The following EHF variants were observed in gnomAD, a reference collection of about 807,000 sequenced individuals.
The protein encoded by EHF is ESE3 transcription factor.
A neutral mutation model predicts 45.1 loss-of-function variants in EHF; 14 were observed. The observed-to-expected ratio is 0.31, with a 90% CI of 0.21 to 0.49. EHF has a LOEUF of 0.49. Among genes scored for constraint, EHF ranks in the 20% least tolerant of loss-of-function variants. The pLI, the probability that EHF is intolerant of heterozygous loss-of-function variation, is 0.99. For missense variants in EHF, 282 were observed against 371.4 expected (o/e 0.76, Z 1.98); for synonymous variants, 136 against 131.8 (o/e 1.03, Z -0.22).
At chr11:34,655,366 G>A (rs1448645794) in intron 6 of EHF, among the ~76,000 whole-genome samples, 3 of 152,196 alleles carry the variant, frequency 2.0e-5, no homozygotes, top group African/African-American at 7.2e-5. Flanking sequence ...TTGTCAGATT[G>A]AAATTATCTT....
intron 4 of EHF, among the ~76,000 whole-genome samples, chr11:34,651,134 C>T (rs868324590): frequency 7.1e-6 from 1 of 141,608 alleles, no homozygotes; most frequent in African/African-American, 2.6e-5. Flanking sequence ...ATTTATTATA[C>T]ATTTAAATAA....
chr11:34,654,952 T>C lies in EHF; in HGVS notation c.545-1956T>C, dbSNP rs1397611252. Among the ~76,000 whole-genome samples, 3 of 152,150 alleles carry C rather than the reference T, an allele frequency of 2.0e-5. No homozygotes were observed. The East Asian group carries it at 5.8e-4, about 29-fold the overall frequency. ...TGAGCTTTGCTTGTGGCCTGCTGGG[T>C]AAATGCCACTCTTTGTCTGCAGTAC... On this transcript the variant is annotated intron_variant, in intron 6 of 8. Coordinates refer to ENST00000257831, the MANE Select transcript of EHF (RefSeq NM_012153.6).
chr11:34,653,378 A>C (rs545572302), intron 6 of EHF, among the ~76,000 whole-genome samples: 1 of 152,302 alleles, frequency 6.6e-6, no homozygotes, highest in South Asian at 2.1e-4. Flanking sequence ...TACACCTTCT[A>C]GAATCTCAAA....
At chr11:34,642,574 A>T in intron 1 of EHF, 54 bp from the exon 2 acceptor site, 1 of 1,137,160 alleles carries the variant, frequency 8.8e-7, no homozygotes, top group Non-Finnish European at 1.3e-6. Flanking sequence ...TGCACTTTCC[A>T]ATGACATTTG....
rs530874299 is a variant in EHF at position 34,661,452 on chromosome 11, T to TAAGTG, written c.*2524_*2528dup. ...TTCAAGAGCAATCTTTGCTAAGGAG[T>TAAGTG]AAGTGAATGTGAAGAGTACCAACTA... On this transcript the variant is annotated 3_prime_UTR_variant, in exon 9 of 9. Transcript: ENST00000257831. Among the ~76,000 whole-genome samples the TAAGTG allele has an allele frequency of 1.9e-4, 29 of 152,212 alleles. 1 individual carries two copies. The South Asian group carries it at 6.0e-3, about 32-fold the overall frequency.
chr11:34,634,480 A>T (rs1333218438), intron 1 of EHF, among the ~76,000 whole-genome samples: 1 of 152,204 alleles, frequency 6.6e-6, no homozygotes, highest in African/African-American at 2.4e-5. Flanking sequence ...AAGAAGGCTG[A>T]TGGTGGCCTT....
At chr11:34,646,064 G>A (rs891479559) in intron 2 of EHF, among the ~76,000 whole-genome samples, 3 of 138,350 alleles carry the variant, frequency 2.2e-5, no homozygotes, top group Non-Finnish European at 3.1e-5. Flanking sequence ...GTGTGTGTGT[G>A]TGTATGTATA....
In EHF at chr11:34,658,470, C is replaced by G. The variant is rs1045781764; in HGVS notation, c.608-63C>G. ...TGCAGGAAGATGACCTAACTCAATG[C>G]TCTCTGCCCTATCTTTGCTGTGACT... On this transcript the variant is annotated intron_variant, in intron 7 of 8. Transcript: ENST00000257831. 4 of 1,417,910 alleles carry G rather than the reference C, an allele frequency of 2.8e-6. No individual in the cohort carries two copies. The East Asian group carries it at 9.2e-5, about 33-fold the overall frequency. 87.8% of individuals were successfully genotyped at this position (1,417,910 alleles called of 1,614,324 possible).
intron 1 of EHF, among the ~76,000 whole-genome samples, chr11:34,623,398 T>C (rs922185370): frequency 1.8e-4 from 27 of 152,188 alleles, no homozygotes; most frequent in Admixed American, 1.8e-3. Flanking sequence ...ATTGTTTTCA[T>C]TTTTAATCTA....
chr11:34,622,389 T>C (rs894527365), intron 1 of EHF: 23 of 1,284,536 alleles, frequency 1.8e-5, no homozygotes, highest in Non-Finnish European at 2.3e-5. Flanking sequence ...GGAAGTCTAA[T>C]TCAGGAGTTG....
intron 4 of EHF, among the ~76,000 whole-genome samples, chr11:34,650,467 T>G (rs1000181091): frequency 6.6e-6 from 1 of 152,210 alleles, no homozygotes; most frequent in African/African-American, 2.4e-5. Context: ...TAAATCCCTA[T>G]GTCGTAAACA....
chr11:34,648,051 G>T (rs1003911820), intron 3 of EHF, among the ~76,000 whole-genome samples: 1 of 152,140 alleles, frequency 6.6e-6, no homozygotes, highest in Non-Finnish European at 1.5e-5. Flanking sequence ...GACTTGTTTG[G>T]TCTCATCGCA....
Position 34,659,966 on chromosome 11 carries a change from C to G in EHF, c.*1035C>G, listed in dbSNP as rs2134249239. The G allele has an allele frequency of 6.6e-6, 1 of 152,204 alleles. No homozygotes were observed. The highest frequency in any genetic ancestry group is 3.4e-3 in the Middle Eastern group (1 of 294). The allele number at this position is 152,204 out of a possible 1,614,324, so 9.4% of individuals were successfully genotyped here. A position where few individuals can be genotyped will look rare whatever the true frequency, so the allele number is the denominator to read the frequency against. ...ATGTCTCTAGACATCACCAAATGTT[C>G]CCTGGGGGTGGCAAATTTGCCCTTG... On this transcript the variant is annotated 3_prime_UTR_variant, in exon 9 of 9. Coordinates refer to ENST00000257831, the MANE Select transcript of EHF (RefSeq NM_012153.6).
At chr11:34,622,666 A>G (rs1408871186) in intron 1 of EHF, among the ~76,000 whole-genome samples, 1 of 151,998 alleles carries the variant, frequency 6.6e-6, no homozygotes, top group Non-Finnish European at 1.5e-5. Flanking sequence ...GTGACCTAAA[A>G]TTCTGGGATG....
At chr11:34,649,546 C>T (rs1216228660) in intron 4 of EHF, among the ~76,000 whole-genome samples, 1 of 152,090 alleles carries the variant, frequency 6.6e-6, no homozygotes, top group Non-Finnish European at 1.5e-5. Context: ...TTTTAGGGGC[C>T]CTGGGGAGCT....
intron 1 of EHF, among the ~76,000 whole-genome samples, chr11:34,633,931 A>G (rs1319596563): frequency 6.6e-6 from 1 of 152,164 alleles, no homozygotes; most frequent in African/African-American, 2.4e-5. Flanking sequence ...TGTACCTATA[A>G]TGGATCCAGA....
chr11:34,629,623 C>T (rs1590414294), intron 1 of EHF, among the ~76,000 whole-genome samples: 1 of 152,128 alleles, frequency 6.6e-6, no homozygotes, highest in Non-Finnish European at 1.5e-5. Flanking sequence ...ATAGACTGTT[C>T]CAAAATTCAA....
chr11:34,645,609 A>G (rs1215326848), intron 2 of EHF, among the ~76,000 whole-genome samples: 2 of 152,214 alleles, frequency 1.3e-5, no homozygotes, highest in Non-Finnish European at 2.9e-5. Flanking sequence ...CCTGGAGGGT[A>G]AGAGGACAGT....
At position 34,656,205 on chromosome 11, in the gene EHF, A is replaced by G. The variant is rs1006769958; in HGVS notation, c.545-703A>G. Among the ~76,000 whole-genome samples, 4 of 152,184 alleles carry G rather than the reference A, an allele frequency of 2.6e-5. 1 individual carries two copies. Among genetic ancestry groups the G allele is most frequent in the African/African-American group, 9.7e-5 (4 of 41,448 alleles). ...TTTGGTAATAGTCGCAGAGGTTGCC[A>G]TAATGAGTCATTTGTTAAACTAATC... On this transcript the variant is annotated intron_variant, in intron 6 of 8. Transcript: ENST00000257831.
Sources: gnomAD v4.1 joint callset for allele counts (sites outside exome capture counted in the v4.1 genomes callset) on GRCh38, gnomAD v4.1.1 for gene constraint, MANE v1.5 for transcripts, NCBI Gene and HGNC (gene_info 2026-07-23, HGNC 2026-07-21) for gene names.